Variants in ATF3 observed in about 807,000 individuals in gnomAD.
ATF3 encodes activating transcription factor 3.
In ATF3, 10 loss-of-function variants were observed where a neutral mutation model predicts 18.4. That is an observed-to-expected ratio of 0.54 (90% CI 0.34 to 0.92). ATF3 has a LOEUF of 0.92. Among genes scored for constraint, ATF3 ranks in the 40% least tolerant of loss-of-function variants. The pLI is 0.02. For missense variants in ATF3, 183 were observed against 222.3 expected (o/e 0.82, Z 1.12); for synonymous variants, 78 against 87.9 (o/e 0.89, Z 0.63).
At chr1:212,614,948 G>A (rs531370929) in intron 1 of ATF3, 70 bp from the exon 2 acceptor site, 46 of 1,613,518 alleles carry the variant, frequency 2.9e-5, no homozygotes, top group Middle Eastern at 3.3e-4. Flanking sequence ...TGGAGGTCTG[G>A]TGGGGGAGGG....
intron 1 of ATF3, among the ~76,000 whole-genome samples, chr1:212,594,555 G>T (rs1664953681): frequency 1.3e-5 from 2 of 152,142 alleles, no homozygotes; most frequent in African/African-American, 4.8e-5. Context: ...AGGGTGGAAG[G>T]GTCAAAGAGC....
intron 1 of ATF3, among the ~76,000 whole-genome samples, chr1:212,613,125 A>G (rs1274092692): frequency 6.6e-6 from 1 of 152,178 alleles, no homozygotes; most frequent in Non-Finnish European, 1.5e-5. Flanking sequence ...TTTTGTGGAT[A>G]AGAGACCCAC....
chr1:212,610,331 G>A (rs1033235704), intron 1 of ATF3, among the ~76,000 whole-genome samples: 49 of 152,226 alleles, frequency 3.2e-4, no homozygotes, highest in African/African-American at 1.2e-3. Context: ...CGTTGTAGGT[G>A]ACAGTCATAT....
chr1:212,610,897 C>T (rs1376047974), intron 1 of ATF3, among the ~76,000 whole-genome samples: 4 of 152,186 alleles, frequency 2.6e-5, no homozygotes, highest in Admixed American at 6.5e-5. Flanking sequence ...CACTCACCAG[C>T]TTTATGACCT....
Position 212,618,841 on chromosome 1 carries a change from C to T in ATF3, c.349-517C>T. ...AGCAGTCTTTCCAGTGGCTGTGTCCCTCCTCCAAATGTGGACAGGCCATGA... is the reference window on the plus strand; with the variant it reads ...AGCAGTCTTTCCAGTGGCTGTGTCCTTCCTCCAAATGTGGACAGGCCATGA... On this transcript the variant is annotated intron_variant, in intron 3 of 3. Transcript: ENST00000341491. This position sits in a 1 kb window ranked among gnomAD's most constrained non-coding sequence, Gnocchi z 4.4. 1 of 653,002 alleles carries T rather than the reference C, an allele frequency of 1.5e-6. No homozygotes were observed. Among genetic ancestry groups the T allele is most frequent in the Admixed American group, 2.5e-5 (1 of 40,480 alleles). 40.5% of individuals were successfully genotyped at this position (653,002 alleles called of 1,614,324 possible).
At chr1:212,583,650 G>A (rs994712577) in intron 1 of ATF3, among the ~76,000 whole-genome samples, 6 of 152,144 alleles carry the variant, frequency 3.9e-5, no homozygotes, top group African/African-American at 1.2e-4. Flanking sequence ...GACCACTGTC[G>A]GAACAAAACC....
At chr1:212,590,938 C>A (rs1471859354) in intron 1 of ATF3, among the ~76,000 whole-genome samples, 1 of 152,198 alleles carries the variant, frequency 6.6e-6, no homozygotes, top group African/African-American at 2.4e-5. Context: ...TTATCATGTG[C>A]CTGGTTTCTT....
At chr1:212,578,969 C>T (rs1166690886) in intron 1 of ATF3, among the ~76,000 whole-genome samples, 1 of 148,612 alleles carries the variant, frequency 6.7e-6, no homozygotes, top group African/African-American at 2.5e-5. Context: ...AGACAAGCAA[C>T]TTCTAGGAGC....
intron 1 of ATF3, among the ~76,000 whole-genome samples, chr1:212,592,278 A>G (rs1479794516): frequency 6.6e-6 from 1 of 152,158 alleles, no homozygotes; most frequent in Non-Finnish European, 1.5e-5. Context: ...TATTTCACTC[A>G]TGTTTTCAAC....
At chr1:212,598,222 TC>T (rs2102639639) in intron 1 of ATF3, among the ~76,000 whole-genome samples, 1 of 152,366 alleles carries the variant, frequency 6.6e-6, no homozygotes, top group Admixed American at 6.5e-5. Context: ...TATGGAAATT[TC>T]TTTATTTCCC....
At chr1:212,573,392 A>C (rs1664518526) in intron 1 of ATF3, among the ~76,000 whole-genome samples, 1 of 152,042 alleles carries the variant, frequency 6.6e-6, no homozygotes, top group African/African-American at 2.4e-5. Context: ...CTGTGGATGT[A>C]ATATATTATA....
chr1:212,611,990 T>C (rs1300842171), intron 1 of ATF3, among the ~76,000 whole-genome samples: 3 of 152,112 alleles, frequency 2.0e-5, no homozygotes, highest in Non-Finnish European at 4.4e-5. Flanking sequence ...TTCTGAAAAA[T>C]TGTGTGAAGA....
upstream of ATF3, among the ~76,000 whole-genome samples, chr1:212,606,591 G>C (rs1026784263): frequency 3.3e-5 from 5 of 152,196 alleles, no homozygotes; most frequent in African/African-American, 1.2e-4. Flanking sequence ...CCACAGATCT[G>C]GCTTGGGTGT....
chr1:212,601,109 C>G (rs1451539428), intron 1 of ATF3, among the ~76,000 whole-genome samples: 1 of 152,126 alleles, frequency 6.6e-6, no homozygotes, highest in African/African-American at 2.4e-5. Context: ...ACTCACTTTG[C>G]CCTCAGCCAC....
chr1:212,587,298 A>G (rs939826928), intron 1 of ATF3, among the ~76,000 whole-genome samples: 22 of 152,248 alleles, frequency 1.4e-4, no homozygotes, highest in African/African-American at 5.3e-4. Flanking sequence ...ATTTGTACCT[A>G]TGAGTTTTTA....
At chr1:212,598,707 A>G (rs1219179733) in intron 1 of ATF3, among the ~76,000 whole-genome samples, 1 of 152,176 alleles carries the variant, frequency 6.6e-6, no homozygotes, top group Non-Finnish European at 1.5e-5. Flanking sequence ...GTGAGAACAT[A>G]TGATGTTTGT....
At chr1:212,570,880 G>T (rs570116850) in intron 1 of ATF3, among the ~76,000 whole-genome samples, 5 of 152,286 alleles carry the variant, frequency 3.3e-5, no homozygotes, top group Admixed American at 2.0e-4. Context: ...TAGACACCTA[G>T]GCTGTCCCCA....
At chr1:212,573,401 T>A (rs1270996481) in intron 1 of ATF3, among the ~76,000 whole-genome samples, 1 of 152,084 alleles carries the variant, frequency 6.6e-6, no homozygotes, top group Non-Finnish European at 1.5e-5. Context: ...TAATATATTA[T>A]ACTATTGGAT....
chr1:212,598,004 A>G (rs1046611155), intron 1 of ATF3, among the ~76,000 whole-genome samples: 8 of 152,170 alleles, frequency 5.3e-5, no homozygotes, highest in African/African-American at 4.8e-5. Context: ...GTACCCCTTA[A>G]TGGCAGGACT....
Sources: allele counts gnomAD v4.1 joint callset (sites outside exome capture counted in the v4.1 genomes callset), GRCh38; gene constraint gnomAD v4.1.1; non-coding constraint Gnocchi (gnomAD v3.1); transcripts MANE v1.5; gene names NCBI Gene and HGNC (gene_info 2026-07-23, HGNC 2026-07-21).